The following PXDNL variants were observed in gnomAD, a reference collection of about 807,000 sequenced individuals.
PXDNL encodes the protein peroxidasin like, also known as probable oxidoreductase PXDNL.
A neutral mutation model predicts 150.8 loss-of-function variants in PXDNL; 145 were observed. The ratio of observed to expected loss-of-function variants is 0.96; its 90% CI spans 0.84 to 1.10. The LOEUF (loss-of-function observed/expected upper bound fraction) is 1.10. PXDNL is among the 50% of genes least tolerant of loss of function. The probability of loss-of-function intolerance (pLI) is 0.00; values close to 1 mark genes in which losing one functional copy is unlikely to be tolerated. For synonymous variants in PXDNL, 757 were observed against 725.7 expected (o/e 1.04, Z -0.69); for missense variants, 2,087 against 1,873.9 (o/e 1.11, Z -2.10).
intron 5 of PXDNL, among the ~76,000 whole-genome samples, chr8:51,494,494 A>G (rs1470820144): frequency 6.6e-6 from 1 of 152,214 alleles, no homozygotes; most frequent in Non-Finnish European, 1.5e-5. Context: ...CAAATTGGAT[A>G]AAGAGTCAAG....
At chr8:51,665,473 C>T (rs1437252981) in intron 1 of PXDNL, among the ~76,000 whole-genome samples, 1 of 152,186 alleles carries the variant, frequency 6.6e-6, no homozygotes, top group Non-Finnish European at 1.5e-5. Flanking sequence ...ACCATGTTGT[C>T]ATTGTCTCCT....
intron 1 of PXDNL, among the ~76,000 whole-genome samples, chr8:51,699,074 C>G (rs1179345459): frequency 6.6e-6 from 1 of 152,132 alleles, no homozygotes; most frequent in East Asian, 1.9e-4. Context: ...CTTGAGGACT[C>G]TAGGATCTTC....
Position 51,408,314 on chromosome 8 carries a change from G to C in PXDNL, c.3310C>G (p.Leu1104Val). Residue 1104 changes from leucine to valine, a missense_variant, in exon 17 of 23, where the codon CTG becomes GTG. Coordinates refer to ENST00000356297, the MANE Select transcript of PXDNL (RefSeq NM_144651.5). ...CGCCATTTAGCAGCCACGCCAAACA[G>C]CCCCCGGAGAACCGGGTCTATCCCA... ...EGGIDPVLRGLFGVAAKWRAP... is the reference protein window; with the variant it reads ...EGGIDPVLRGVFGVAAKWRAP... The C allele has an allele frequency of 6.2e-7, 1 of 1,613,958 alleles. No individual in the cohort carries two copies. Among genetic ancestry groups the C allele is most frequent in the Non-Finnish European group, 8.5e-7 (1 of 1,179,886 alleles).
intron 1 of PXDNL, among the ~76,000 whole-genome samples, chr8:51,786,906 C>G (rs2037465459): frequency 1.3e-5 from 2 of 152,188 alleles, no homozygotes; most frequent in African/African-American, 4.8e-5. Context: ...CTATCAGGGG[C>G]TAATGCAGTT....
At chr8:51,720,829 C>T (rs1816715306) in intron 1 of PXDNL, among the ~76,000 whole-genome samples, 1 of 152,224 alleles carries the variant, frequency 6.6e-6, no homozygotes, top group Non-Finnish European at 1.5e-5. Context: ...CCCCACTGGC[C>T]CTGTGCAGGC....
At chr8:51,683,959 A>G (rs1473993402) in intron 1 of PXDNL, among the ~76,000 whole-genome samples, 2 of 152,182 alleles carry the variant, frequency 1.3e-5, no homozygotes, top group South Asian at 2.1e-4. Flanking sequence ...ACCCACTTAC[A>G]TGTCAAAACC....
At chr8:51,672,266 G>A (rs1204764008) in intron 1 of PXDNL, among the ~76,000 whole-genome samples, 3 of 152,232 alleles carry the variant, frequency 2.0e-5, no homozygotes, top group Non-Finnish European at 4.4e-5. Context: ...AGAGGCATGA[G>A]CCACCGTGCC....
intron 19 of PXDNL, among the ~76,000 whole-genome samples, chr8:51,366,102 C>T (rs1806910869): frequency 1.3e-5 from 2 of 152,088 alleles, no homozygotes; most frequent in Non-Finnish European, 2.9e-5. Flanking sequence ...GGTCTATCTC[C>T]CAAAGTTGAG....
Position 51,786,012 on chromosome 8 carries a change from G to C in PXDNL, c.164+23169C>G, listed in dbSNP as rs560447305. On this transcript the variant is annotated intron_variant, in intron 1 of 22. Transcript: ENST00000356297. ...GAAGAAAAGTTTGAAGCTAGGAGGG[G>C]TGAAGCAAGATGGCAGAATAGAAGA... Among the ~76,000 whole-genome samples, 9 of 152,234 alleles carry C rather than the reference G, an allele frequency of 5.9e-5. No individual in the cohort carries two copies. In the East Asian group the frequency reaches 1.7e-3, roughly 29 times the overall value.
At position 51,391,986 on chromosome 8, in the gene PXDNL, G is replaced by T. The variant is rs192576635; in HGVS notation, c.3557+16081C>A. Reference sequence around the variant, plus strand: ...AGCCAGTTTTCCCAGCACCATTTATGAAATAGGGAATCCTTTCCCCATTGC... The same window carrying T: ...AGCCAGTTTTCCCAGCACCATTTATTAAATAGGGAATCCTTTCCCCATTGC... On this transcript the variant is annotated intron_variant, in intron 17 of 22. Transcript: ENST00000356297. Among the ~76,000 whole-genome samples, 311 of 152,224 alleles carry T rather than the reference G, an allele frequency of 2.0e-3. 1 individual carries two copies. The highest frequency in any genetic ancestry group is 6.8e-3 in the African/African-American group (281 of 41,546).
At chr8:51,550,686 G>T (rs902925505) in intron 4 of PXDNL, among the ~76,000 whole-genome samples, 2 of 152,006 alleles carry the variant, frequency 1.3e-5, no homozygotes, top group African/African-American at 4.8e-5. Flanking sequence ...ATACCCTAAG[G>T]TAATAAAAGC....
intron 12 of PXDNL, among the ~76,000 whole-genome samples, chr8:51,431,363 A>G (rs1038207416): frequency 2.6e-4 from 40 of 152,154 alleles, no homozygotes; most frequent in African/African-American, 8.9e-4. Flanking sequence ...CAAGAAACTT[A>G]TTGGTTTCTT....
intron 4 of PXDNL, among the ~76,000 whole-genome samples, chr8:51,510,097 G>A (rs536411350): frequency 3.7e-4 from 57 of 152,162 alleles, no homozygotes; most frequent in African/African-American, 1.3e-3. Flanking sequence ...TTAGCACAAG[G>A]TTCTAGAAAG....
chr8:51,529,935 T>A (rs961199210), intron 4 of PXDNL, among the ~76,000 whole-genome samples: 7 of 151,808 alleles, frequency 4.6e-5, no homozygotes, highest in Non-Finnish European at 7.4e-5. Flanking sequence ...CCTATAGCAA[T>A]CCCCCTTCCC....
At chr8:51,644,805 G>A (rs531355101) in intron 2 of PXDNL, among the ~76,000 whole-genome samples, 5 of 152,070 alleles carry the variant, frequency 3.3e-5, no homozygotes, top group East Asian at 1.9e-4. Context: ...CAGCAGCAGC[G>A]TGAAGGGGGC....
chr8:51,635,310 A>G (rs1311735123), intron 2 of PXDNL, among the ~76,000 whole-genome samples: 1 of 152,120 alleles, frequency 6.6e-6, no homozygotes, highest in Non-Finnish European at 1.5e-5. Context: ...CTAACTTTAC[A>G]TCTGAAGGAG....
In PXDNL at chr8:51,405,659, C is replaced by G. The variant is rs185078287; in HGVS notation, c.3557+2408G>C. Reference sequence around the variant, plus strand: ...GCAATCTACATATTTGAGAACTGACCGTAAAAACCATTTTATTTTGCACTC... The same window carrying G: ...GCAATCTACATATTTGAGAACTGACGGTAAAAACCATTTTATTTTGCACTC... On this transcript the variant is annotated intron_variant, in intron 17 of 22. Transcript: ENST00000356297. Among the ~76,000 whole-genome samples the G allele has an allele frequency of 5.2e-4, 79 of 152,246 alleles. No homozygotes were observed. The East Asian group carries it at 0.011, about 20-fold the overall frequency.
intron 5 of PXDNL, among the ~76,000 whole-genome samples, chr8:51,492,029 A>AT (rs1261517211): frequency 6.6e-6 from 1 of 152,218 alleles, no homozygotes; most frequent in Non-Finnish European, 1.5e-5. Context: ...AAACCATGTG[A>AT]TTTTATGCCT....
chr8:51,667,266 G>T (rs139600389), intron 1 of PXDNL, among the ~76,000 whole-genome samples: 2 of 152,210 alleles, frequency 1.3e-5, no homozygotes, highest in Admixed American at 6.5e-5. Flanking sequence ...CTTCTGTGCC[G>T]CACAGAGCAT....
Sources: allele counts gnomAD v4.1 joint callset (sites outside exome capture counted in the v4.1 genomes callset), GRCh38; gene constraint gnomAD v4.1.1; transcripts MANE v1.5; gene names NCBI Gene and HGNC (gene_info 2026-07-23, HGNC 2026-07-21).